MYRIP: variants seen among roughly 807,000 people sequenced by gnomAD.
MYRIP encodes myosin VIIA and Rab interacting protein.
A neutral mutation model predicts 98.0 loss-of-function variants in MYRIP; 49 were observed. The observed-to-expected ratio is 0.50, with a 90% CI of 0.40 to 0.63. The LOEUF (loss-of-function observed/expected upper bound fraction) is 0.63, where lower values mean the gene tolerates loss of function less well. MYRIP is among the 30% of genes least tolerant of loss of function. MYRIP has a pLI of 0.00. For synonymous variants in MYRIP, 404 were observed against 409.5 expected, an observed-to-expected ratio of 0.99 and a Z score of 0.16; for missense variants, 1,004 against 1,058.2, an observed-to-expected ratio of 0.95 and a Z score of 0.71.
intron 9 of MYRIP, among the ~76,000 whole-genome samples, chr3:40,188,576 G>A (rs988372832): frequency 6.6e-6 from 1 of 152,018 alleles, no homozygotes; most frequent in African/African-American, 2.4e-5. Context: ...TCAGGAGTTC[G>A]AGAGCAGCCT....
At position 40,259,199 on chromosome 3, in the gene MYRIP, G is replaced by GAC; in HGVS notation, c.*1037_*1038dup. 1 of 152,272 alleles carries GAC rather than the reference G, an allele frequency of 6.6e-6. No homozygotes were observed. The highest frequency in any genetic ancestry group is 2.4e-5 in the African/African-American group (1 of 41,554). The allele number at this position is 152,272 out of a possible 1,614,324, so 9.4% of individuals were successfully genotyped here. On this transcript the variant is annotated 3_prime_UTR_variant, in exon 17 of 17. Transcript: ENST00000302541. ...TCAAGGACAAACTGTGCATTTAATG[G>GAC]ACACAAGAATTGACTCTAACTCCAT...
chr3:39,949,744 T>C (rs1196485352), intron 2 of MYRIP, among the ~76,000 whole-genome samples: 3 of 152,190 alleles, frequency 2.0e-5, no homozygotes, highest in East Asian at 1.9e-4. Context: ...TTTGCTATCA[T>C]ATTTGCAAGT....
At chr3:40,145,223 C>T (rs142033962) in intron 3 of MYRIP, among the ~76,000 whole-genome samples, 93 of 152,272 alleles carry the variant, frequency 6.1e-4, no homozygotes, top group African/African-American at 2.2e-3. Context: ...TACCACTGCA[C>T]TGTACCCTGT....
At position 39,997,836 on chromosome 3, in the gene MYRIP, G is replaced by A. The variant is rs562262817; in HGVS notation, c.111-46214G>A. ...CAGCACGTCAAAAAGCTTATCCACC[G>A]TGATCAAGTGGGCTTCATCCCTGCG... On this transcript the variant is annotated intron_variant, in intron 2 of 16. Coordinates refer to ENST00000302541, the MANE Select transcript of MYRIP (RefSeq NM_015460.4). Among the ~76,000 whole-genome samples the A allele has an allele frequency of 1.7e-3, 252 of 152,124 alleles. 1 individual carries two copies. The highest frequency in any genetic ancestry group is 5.9e-3 in the African/African-American group (243 of 41,520).
At position 40,212,210 on chromosome 3, in the gene MYRIP, G is replaced by GTT. The variant is rs1951969788; in HGVS notation, c.1905+2118_1905+2119insTT. On this transcript the variant is annotated intron_variant, in intron 11 of 16. Transcript: ENST00000302541. The stretch of plus-strand genomic sequence containing the variant: ...TGTGTATATACATATATATACGTGT[G>GTT]TGTATATATATATATACACACACAC... Among the ~76,000 whole-genome samples the GTT allele has an allele frequency of 7.7e-5, 3 of 38,856 alleles. 1 individual carries two copies. The highest frequency in any genetic ancestry group is 3.7e-4 in the Admixed American group (1 of 2,684). The allele number at this position is 38,856 out of a possible 152,430, so 25.5% of individuals were successfully genotyped here.
chr3:40,113,783 G>A (rs536443348), intron 3 of MYRIP, among the ~76,000 whole-genome samples: 99 of 151,904 alleles, frequency 6.5e-4, no homozygotes, highest in African/African-American at 2.1e-3. Context: ...TCCACCTCCC[G>A]GGTTCACGCT....
At chr3:40,192,639 A>C (rs1251973317) in intron 10 of MYRIP, among the ~76,000 whole-genome samples, 1 of 152,074 alleles carries the variant, frequency 6.6e-6, no homozygotes, top group Non-Finnish European at 1.5e-5. Context: ...TAAGTGATAG[A>C]GGTGTCACCG....
chr3:40,189,603 T>A (rs1951143100), intron 9 of MYRIP, among the ~76,000 whole-genome samples: 3 of 152,308 alleles, frequency 2.0e-5, no homozygotes, highest in Admixed American at 2.0e-4. Flanking sequence ...TCTCTGAGTT[T>A]CTCTGCATCT....
intron 9 of MYRIP, among the ~76,000 whole-genome samples, chr3:40,183,047 T>C (rs966910710): frequency 6.6e-6 from 1 of 152,150 alleles, no homozygotes; most frequent in African/African-American, 2.4e-5. Flanking sequence ...CTCTGAGTCT[T>C]TTATGGGCTT....
chr3:40,166,546 T>G (rs991152836), intron 5 of MYRIP, among the ~76,000 whole-genome samples: 2 of 152,082 alleles, frequency 1.3e-5, no homozygotes, highest in African/African-American at 4.8e-5. Context: ...GAGGAATTTT[T>G]GGGCCAAGCC....
intron 5 of MYRIP, among the ~76,000 whole-genome samples, chr3:40,166,244 A>G (rs1950496339): frequency 6.6e-6 from 1 of 152,228 alleles, no homozygotes; most frequent in African/African-American, 2.4e-5. Flanking sequence ...CACAATATAC[A>G]TTATATGAAC....
intron 1 of MYRIP, among the ~76,000 whole-genome samples, chr3:39,829,770 T>TA (rs1232287114): frequency 3.9e-5 from 6 of 152,118 alleles, no homozygotes; most frequent in Admixed American, 6.5e-5. Flanking sequence ...CTGAGAAACC[T>TA]AAAAAAAATT....
At chr3:40,167,304 C>T in intron 7 of MYRIP, 65 bp downstream of exon 7, 1 of 1,435,186 alleles carries the variant, frequency 7.0e-7, no homozygotes, top group Non-Finnish European at 9.8e-7. Context: ...GGGACTCTGG[C>T]AAGTAGCAGG....
Position 40,041,427 on chromosome 3 carries a change from G to A in MYRIP, c.111-2623G>A, listed in dbSNP as rs567064160. Among the ~76,000 whole-genome samples the A allele has an allele frequency of 1.6e-3, 240 of 149,560 alleles. 1 individual carries two copies. The highest frequency in any genetic ancestry group is 2.3e-3 in the Non-Finnish European group (153 of 67,510). The stretch of plus-strand genomic sequence containing the variant: ...CCAACTGACATTATATGCTGATTAC[G>A]ACGCACTGACGACACACTGCTTCTG... On this transcript the variant is annotated intron_variant, in intron 2 of 16. Transcript: ENST00000302541.
rs1367476880 is a variant in MYRIP, at chr3:40,190,108, C to T, written c.1310C>T (p.Ala437Val). The T allele has an allele frequency of 6.2e-7, 1 of 1,614,056 alleles. No individual in the cohort carries two copies. The highest frequency in any genetic ancestry group is 1.3e-5 in the African/African-American group (1 of 75,042). The change falls in exon 10 of 17, where the codon GCT becomes GTT. Residue 437 changes from alanine to valine, a missense_variant. Physicochemically the swap from Ala to Val is moderately conservative, Grantham distance 64 (BLOSUM62 0). Coordinates refer to ENST00000302541, the MANE Select transcript of MYRIP (RefSeq NM_015460.4). ...QAQSSDQGPI[A>V]ASPSSALSPN... Reference sequence around the variant, plus strand: ...CAGAGCTCTGACCAAGGCCCCATAGCTGCCTCCCCATCCTCTGCACTCTCC... The same window carrying T: ...CAGAGCTCTGACCAAGGCCCCATAGTTGCCTCCCCATCCTCTGCACTCTCC...
chr3:39,814,159 T>C (rs1940793691), intron 1 of MYRIP, among the ~76,000 whole-genome samples: 1 of 152,218 alleles, frequency 6.6e-6, no homozygotes. Context: ...GTAGGATATG[T>C]ATGCTTAAAT....
At chr3:39,975,344 C>T (rs28871041) in intron 2 of MYRIP, among the ~76,000 whole-genome samples, 27,728 of 151,578 alleles carry the variant, frequency 0.18, 4,844 homozygotes, top group African/African-American at 0.46. Context: ...TTACAAGGGA[C>T]GTGAAGGACC....
intron 2 of MYRIP, among the ~76,000 whole-genome samples, chr3:39,999,619 T>G (rs374450721): frequency 0.1 from 15,287 of 152,020 alleles, 1,344 homozygotes; most frequent in African/African-American, 0.23. Context: ...TCAGTGTGGC[T>G]ATTCCTCAGG....
intron 2 of MYRIP, among the ~76,000 whole-genome samples, chr3:39,958,632 G>T (rs78941865): frequency 0.27 from 40,387 of 152,076 alleles, 5,849 homozygotes; most frequent in Middle Eastern, 0.36. Context: ...AGGACTTCAT[G>T]TCTAAAACAA....
Sources: gnomAD v4.1 joint callset for allele counts (sites outside exome capture counted in the v4.1 genomes callset) on GRCh38, gnomAD v4.1.1 for gene constraint, MANE v1.5 for transcripts, NCBI Gene and HGNC (gene_info 2026-07-23, HGNC 2026-07-21) for gene names.